The following INPP4A variants were observed in gnomAD, a reference collection of about 807,000 sequenced individuals.
INPP4A encodes the protein inositol polyphosphate-4-phosphatase, type I, 107kD.
INPP4A carries 33 observed loss-of-function variants against 119.8 expected under a neutral mutation model. The ratio of observed to expected loss-of-function variants is 0.28; its 90% CI spans 0.21 to 0.37. The LOEUF (loss-of-function observed/expected upper bound fraction) is 0.37, where lower values mean the gene tolerates loss of function less well. Ranked by LOEUF, INPP4A falls within the 10% of genes least tolerant of loss-of-function variation. INPP4A has a pLI of 1.00. For synonymous variants in INPP4A, 496 were observed against 500.7 expected (o/e 0.99, Z 0.12); for missense variants, 956 against 1,289.9 (o/e 0.74, Z 3.97).
intron 1 of INPP4A, among the ~76,000 whole-genome samples, chr2:98,478,578 C>T (rs1574629850): frequency 2.0e-5 from 3 of 152,224 alleles, no homozygotes; most frequent in Admixed American, 1.3e-4. Flanking sequence ...CTCCCTCCCC[C>T]GACTTTCTTT....
intron 1 of INPP4A, among the ~76,000 whole-genome samples, chr2:98,466,665 G>C (rs1483983535): frequency 6.6e-6 from 1 of 152,224 alleles, no homozygotes; most frequent in Admixed American, 6.5e-5. Context: ...GGTTATGCCA[G>C]GTAGGCCTTG....
rs930085372 is a variant in INPP4A, at chr2:98,546,199, T to C, written c.1054+126T>C. 5 of 650,494 alleles carry C rather than the reference T, an allele frequency of 7.7e-6. No homozygotes were observed. In the Admixed American group the frequency reaches 8.2e-5, roughly 11 times the overall value. The allele number at this position is 650,494 out of a possible 1,614,324, so 40.3% of individuals were successfully genotyped here. A position where few individuals can be genotyped will look rare whatever the true frequency, so the allele number is the denominator to read the frequency against. ...GCTCTGGGCGGCTCGGAGGAGAGATTTGTCACAAGGACCTTCAAAAGGTTT... is the reference window on the plus strand; with the variant it reads ...GCTCTGGGCGGCTCGGAGGAGAGATCTGTCACAAGGACCTTCAAAAGGTTT... On this transcript the variant is annotated intron_variant, in intron 12 of 24. Transcript: ENST00000409851. This position sits in a 1 kb window ranked among gnomAD's most constrained non-coding sequence, Gnocchi z 4.2.
chr2:98,486,900 A>G (rs1022101900), intron 1 of INPP4A, among the ~76,000 whole-genome samples: 4 of 152,328 alleles, frequency 2.6e-5, no homozygotes, highest in Non-Finnish European at 5.9e-5. Flanking sequence ...ACAAATGTGC[A>G]GTGATTGGCG....
chr2:98,581,759 A>G (rs889784723), intron 24 of INPP4A: 1 of 1,607,270 alleles, frequency 6.2e-7, no homozygotes, highest in African/African-American at 1.3e-5. Flanking sequence ...GCAAATGAAT[A>G]TCATTATGAA....
At chr2:98,463,811 G>A (rs974927787) in intron 1 of INPP4A, among the ~76,000 whole-genome samples, 5 of 152,204 alleles carry the variant, frequency 3.3e-5, no homozygotes, top group Non-Finnish European at 7.3e-5. Context: ...GTAGGTGTGA[G>A]CTGTTAGCCC....
chr2:98,581,589 GAGGTAGTCAC>G, intron 24 of INPP4A: 1 of 1,547,496 alleles, frequency 6.5e-7, no homozygotes, highest in Non-Finnish European at 8.7e-7. Context: ...TGGAACACGG[GAGGTAGTCAC>G]CCAGAAGAAC....
intron 2 of INPP4A, chr2:98,519,406 T>C (rs2105719067): frequency 6.6e-6 from 1 of 152,492 alleles, no homozygotes; most frequent in East Asian, 1.9e-4. Context: ...CCAGATTACA[T>C]GCTTTGCGGG....
At chr2:98,461,766 G>C (rs1000666852) in intron 1 of INPP4A, among the ~76,000 whole-genome samples, 3 of 152,172 alleles carry the variant, frequency 2.0e-5, no homozygotes, top group Non-Finnish European at 4.4e-5. Flanking sequence ...GTGCCATGCT[G>C]CGTGCTCGCT....
At chr2:98,501,066 G>C (rs1325033086) in intron 1 of INPP4A, among the ~76,000 whole-genome samples, 1 of 152,220 alleles carries the variant, frequency 6.6e-6, no homozygotes, top group Non-Finnish European at 1.5e-5. Flanking sequence ...CCAGCACTGG[G>C]ATATTTTTGG....
At chr2:98,587,419 GTCTTT>G (rs1449139199) in intron 24 of INPP4A, 52 bp from the exon 25 acceptor site, 1 of 1,480,434 alleles carries the variant, frequency 6.8e-7, no homozygotes, top group Non-Finnish European at 9.0e-7. Context: ...CTTAGTTTAA[GTCTTT>G]TCTTTTTTCC....
intron 23 of INPP4A, among the ~76,000 whole-genome samples, chr2:98,574,444 C>T (rs1259076528): frequency 6.6e-6 from 1 of 152,012 alleles, no homozygotes. Flanking sequence ...TCGAGACCAG[C>T]CTGGCCAACA....
intron 21 of INPP4A, 135 bp from the exon 22 acceptor site, chr2:98,568,436 G>A (rs1696871813): frequency 1.6e-6 from 1 of 622,696 alleles, no homozygotes; most frequent in South Asian, 1.9e-5. Flanking sequence ...GCTCGGAAGA[G>A]GGAGAGTGGC....
intron 1 of INPP4A, among the ~76,000 whole-genome samples, chr2:98,502,373 ACTT>A (rs1683287746): frequency 6.6e-6 from 1 of 152,170 alleles, no homozygotes; most frequent in African/African-American, 2.4e-5. Context: ...AGATGGGAAT[ACTT>A]CTAAAAAATG....
At chr2:98,545,516 A>G (rs539705897) in intron 11 of INPP4A, among the ~76,000 whole-genome samples, 5 of 152,282 alleles carry the variant, frequency 3.3e-5, no homozygotes, top group South Asian at 4.1e-4. Context: ...GTTGAGATGT[A>G]TTGCTCTAGC....
Position 98,590,690 on chromosome 2 carries a change from C to T in INPP4A, c.*3082C>T, listed in dbSNP as rs922987206. On this transcript the variant is annotated 3_prime_UTR_variant, in exon 25 of 25. Transcript: ENST00000409851. ...TCGTCACCAGGACTGCATCTTGCAC[C>T]ACTGTGCCGTCTTCTAGGCACACAC... The T allele has an allele frequency of 2.3e-5, 5 of 216,532 alleles. No individual in the cohort carries two copies. The highest frequency in any genetic ancestry group is 4.6e-5 in the Non-Finnish European group (5 of 107,778). The allele number at this position is 216,532 out of a possible 1,614,324, so 13.4% of individuals were successfully genotyped here.
intron 1 of INPP4A, among the ~76,000 whole-genome samples, chr2:98,459,033 G>GTGTGGCATTCA (rs1696658406): frequency 6.6e-6 from 1 of 152,254 alleles, no homozygotes; most frequent in Admixed American, 6.5e-5. Context: ...TTTGCCACCA[G>GTGTGGCATTCA]TGTGATTGGA....
rs1216168954 is a variant in INPP4A at position 98,592,673 on chromosome 2, G to A, written c.*5065G>A. 1.3e-5 allele frequency: 2 copies of A among 152,280 alleles called. No individual in the cohort carries two copies. The highest frequency in any genetic ancestry group is 4.8e-5 in the African/African-American group (2 of 41,474). The allele number at this position is 152,280 out of a possible 1,614,324, so 9.4% of individuals were successfully genotyped here. ...AGCAGCGCGGCCTCTGGCAGAGAGA[G>A]CGCTGGGTTGTACAGATGGAAACTT... is the stretch of plus-strand genomic sequence containing the variant. On this transcript the variant is annotated 3_prime_UTR_variant, in exon 25 of 25. Transcript: ENST00000409851.
chr2:98,476,118 T>C (rs560814945), intron 1 of INPP4A, among the ~76,000 whole-genome samples: 1 of 152,222 alleles, frequency 6.6e-6, no homozygotes, highest in Non-Finnish European at 1.5e-5. Flanking sequence ...CCCAAAACTT[T>C]TTGAAGAATT....
intron 1 of INPP4A, among the ~76,000 whole-genome samples, chr2:98,476,714 A>G (rs1677297434): frequency 6.6e-6 from 1 of 152,160 alleles, no homozygotes; most frequent in Admixed American, 6.5e-5. Flanking sequence ...CTCATTCACC[A>G]TCACCTGAGA....
Sources: allele counts gnomAD v4.1 joint callset (sites outside exome capture counted in the v4.1 genomes callset), GRCh38; gene constraint gnomAD v4.1.1; non-coding constraint Gnocchi (gnomAD v3.1); transcripts MANE v1.5; gene names NCBI Gene and HGNC (gene_info 2026-07-23, HGNC 2026-07-21).